The following MYH16 variants were observed in gnomAD, a reference collection of about 807,000 sequenced individuals.
MYH16 encodes myosin heavy chain 16, also known as putative uncharacterized protein MYH16.
At chr7:99,285,226 G>A (rs559424970) in intron 26 of MYH16, among the ~76,000 whole-genome samples, 156 bp from the exon 9 acceptor site, 53 of 152,134 alleles carry the variant, frequency 3.5e-4, no homozygotes, top group Non-Finnish European at 5.0e-4. Context: ...TGCCTGCCCC[G>A]GCACCTTTGC....
In MYH16 at chr7:99,290,695, C is replaced by T. The variant is rs561356313; in HGVS notation, n.3825-628C>T. On this transcript the variant is annotated intron_variant and non_coding_transcript_variant, in intron 30 of 41. Transcript: ENST00000439784. The stretch of plus-strand genomic sequence containing the variant: ...GTACACACTTGTAATCCCAGTTACT[C>T]AGGAGGCTGAGGTAGGAGAATCACT... Among the ~76,000 whole-genome samples, 60 of 150,924 alleles carry T rather than the reference C, an allele frequency of 4.0e-4. No individual in the cohort carries two copies. The South Asian group carries it at 5.0e-3, about 13-fold the overall frequency.
chr7:99,271,325 A>T (rs1305813402), intron 19 of MYH16, among the ~76,000 whole-genome samples: 2 of 152,180 alleles, frequency 1.3e-5, no homozygotes, highest in Non-Finnish European at 2.9e-5. Context: ...CCTGGCCAAC[A>T]TGGTGAAACC....
chr7:99,282,584 C>G (rs1417893886), intron 23 of MYH16, among the ~76,000 whole-genome samples: 4 of 151,974 alleles, frequency 2.6e-5, no homozygotes, highest in Non-Finnish European at 1.5e-5. Context: ...GTGATCCTCC[C>G]ACCTCAGCCT....
At chr7:99,280,602 A>T (rs1792188397) in intron 22 of MYH16, among the ~76,000 whole-genome samples, 1 of 152,178 alleles carries the variant, frequency 6.6e-6, no homozygotes, top group Non-Finnish European at 1.5e-5. Context: ...CTGGGGATAC[A>T]GTCAGGTGCA....
chr7:99,277,926 A>T (rs1262125877), intron 21 of MYH16, among the ~76,000 whole-genome samples: 86 of 131,832 alleles, frequency 6.5e-4, no homozygotes, highest in African/African-American at 3.0e-3. Flanking sequence ...TGAGAGAGAG[A>T]GAGAGAGAGA....
chr7:99,289,482 C>T (rs1281166432), intron 30 of MYH16, 78 bp downstream of exon 11: 2 of 228,992 alleles, frequency 8.7e-6, no homozygotes, highest in Admixed American at 1.1e-4. Flanking sequence ...ACAGAGCTTT[C>T]TTGGCCTTGG....
chr7:99,272,955 C>T lies in MYH16; in HGVS notation n.2404-387C>T, dbSNP rs113296160. 3.6e-4 allele frequency among the ~76,000 whole-genome samples: 55 copies of T among 152,280 alleles called. 1 individual carries two copies. Among genetic ancestry groups the T allele is most frequent in the African/African-American group, 1.3e-3 (53 of 41,558 alleles). On this transcript the variant is annotated intron_variant and non_coding_transcript_variant, in intron 19 of 41. Transcript: ENST00000439784. Reference sequence around the variant, plus strand: ...TGCACAGGAGGTCCTCAATAAATGGCAGTTGAGTGAAGCTGCAGGGAACAA... The same window carrying T: ...TGCACAGGAGGTCCTCAATAAATGGTAGTTGAGTGAAGCTGCAGGGAACAA...
At chr7:99,294,314 G>C (rs2150830447) in intron 33 of MYH16, among the ~76,000 whole-genome samples, 164 bp downstream of exon 14, 1 of 151,964 alleles carries the variant, frequency 6.6e-6, no homozygotes, top group South Asian at 2.1e-4. Context: ...AACGGCTGCT[G>C]CTTGAGCACG....
chr7:99,292,450 T>C (rs1018291836), exon 32 of MYH16: 1 of 465,888 alleles, frequency 2.1e-6, no homozygotes. Flanking sequence ...GGTCACCACC[T>C]GGAGGACCAA....
At chr7:99,254,783 T>C (rs1177393518) in intron 8 of MYH16, among the ~76,000 whole-genome samples, 1 of 152,202 alleles carries the variant, frequency 6.6e-6, no homozygotes, top group Non-Finnish European at 1.5e-5. Flanking sequence ...CTTTATTTGT[T>C]TGGACAAAGT....
At chr7:99,260,205 G>A (rs747096008) in exon 12 of MYH16, 249 of 1,610,790 alleles carry the variant, frequency 1.5e-4, no homozygotes, top group Non-Finnish European at 1.7e-4. Context: ...TCACCAACGA[G>A]AAGCTGCAGC....
intron 18 of MYH16, among the ~76,000 whole-genome samples, chr7:99,270,309 T>C (rs1043782942): frequency 6.7e-5 from 10 of 148,550 alleles, no homozygotes; most frequent in African/African-American, 2.2e-4. Flanking sequence ...CCAGACCTCA[T>C]CTCAGAAAAA....
At chr7:99,286,946 C>T (rs528095354) in intron 28 of MYH16, among the ~76,000 whole-genome samples, 50 of 152,150 alleles carry the variant, frequency 3.3e-4, no homozygotes, top group Non-Finnish European at 5.9e-4. Context: ...CAGAGCAAGA[C>T]CCTGTCTCTC....
intron 34 of MYH16, among the ~76,000 whole-genome samples, chr7:99,297,302 G>A (rs1436119845): frequency 2.0e-5 from 3 of 151,884 alleles, no homozygotes; most frequent in South Asian, 2.1e-4. Flanking sequence ...GCATGGTGGC[G>A]GGCGCCTGTA....
At chr7:99,260,919 T>TAGCCAGG (rs776297279) in intron 12 of MYH16, 4 of 151,970 alleles carry the variant, frequency 2.6e-5, no homozygotes, top group Admixed American at 6.6e-5. Flanking sequence ...ATACAAAAAT[T>TAGCCAGG]AGCCAGGTGT....
At chr7:99,249,255 GTA>G (rs1791778670) in intron 4 of MYH16, among the ~76,000 whole-genome samples, 1 of 151,992 alleles carries the variant, frequency 6.6e-6, no homozygotes, top group Non-Finnish European at 1.5e-5. Context: ...ACAGAAGTGT[GTA>G]CCTTTGAGGC....
intron 1 of MYH16, among the ~76,000 whole-genome samples, chr7:99,242,845 T>C (rs1340812185): frequency 6.6e-6 from 1 of 151,942 alleles, no homozygotes; most frequent in African/African-American, 2.4e-5. Context: ...CACCGCTAAC[T>C]CTCAAGGCAG....
At chr7:99,273,580 C>T (rs1212166166) in intron 20 of MYH16, among the ~76,000 whole-genome samples, 157 bp downstream of exon 2, 1 of 152,164 alleles carries the variant, frequency 6.6e-6, no homozygotes, top group Non-Finnish European at 1.5e-5. Flanking sequence ...TCTGTCCAGA[C>T]AGGGACTAAT....
At chr7:99,285,055 T>G (rs1432192659) in intron 26 of MYH16, 120 bp downstream of exon 8, 1 of 424,604 alleles carries the variant, frequency 2.4e-6, no homozygotes, top group Non-Finnish European at 4.8e-6. Context: ...CATAGAGTCC[T>G]TGGAGATGGA....
Sources: allele counts gnomAD v4.1 joint callset (sites outside exome capture counted in the v4.1 genomes callset), GRCh38; gene constraint gnomAD v4.1.1; transcripts MANE v1.5; gene names NCBI Gene and HGNC (gene_info 2026-07-23, HGNC 2026-07-21).